WFDC8: variants seen among roughly 807,000 people sequenced by gnomAD.
WFDC8 encodes the protein WAP four-disulfide core domain 8.
In WFDC8, 24 loss-of-function variants were observed where a neutral mutation model predicts 27.0. The ratio of observed to expected loss-of-function variants is 0.89; its 90% CI spans 0.64 to 1.25. WFDC8 has a LOEUF of 1.25. Ranked by LOEUF, WFDC8 falls within the 50% of genes most tolerant of loss-of-function variation. The pLI is 0.00. For synonymous variants in WFDC8, 106 were observed against 99.7 expected, an observed-to-expected ratio of 1.06 and a Z score of -0.38; for missense variants, 287 against 295.9, an observed-to-expected ratio of 0.97 and a Z score of 0.22.
intron 1 of WFDC8, among the ~76,000 whole-genome samples, chr20:45,571,628 A>C (rs1217041384): frequency 6.6e-6 from 1 of 151,516 alleles, no homozygotes; most frequent in Non-Finnish European, 1.5e-5. Flanking sequence ...TTCCCCATAC[A>C]CTCCACCCTG....
At chr20:45,578,052 G>C in intron 1 of WFDC8, among the ~76,000 whole-genome samples, 1 of 150,636 alleles carries the variant, frequency 6.6e-6, no homozygotes. Context: ...AATAAATAAA[G>C]TATGTAGAGT....
At chr20:45,552,217 G>A in intron 5 of WFDC8, 52 bp from the exon 6 acceptor site, 1 of 1,599,304 alleles carries the variant, frequency 6.3e-7, no homozygotes. Flanking sequence ...GTCATAATTT[G>A]AGACAAATTT....
chr20:45,559,059 G>A, intron 2 of WFDC8, 67 bp from the exon 3 acceptor site: 6 of 1,591,168 alleles, frequency 3.8e-6, no homozygotes, highest in South Asian at 1.1e-5. Flanking sequence ...CTATGGCAAA[G>A]GTGTGTAGTG....
At chr20:45,569,472 T>A (rs6104232) in intron 1 of WFDC8, among the ~76,000 whole-genome samples, 1 of 151,974 alleles carries the variant, frequency 6.6e-6, no homozygotes, top group African/African-American at 2.4e-5. Context: ...AAAAATTAAT[T>A]CATAAGAAAA....
intron 1 of WFDC8, among the ~76,000 whole-genome samples, chr20:45,570,380 A>G (rs1461188869): frequency 6.6e-6 from 1 of 152,236 alleles, no homozygotes; most frequent in African/African-American, 2.4e-5. Context: ...GTATCAAATT[A>G]GTATATTTCT....
intron 5 of WFDC8, 28 bp downstream of exon 5, chr20:45,553,108 A>G: frequency 3.1e-6 from 5 of 1,599,666 alleles, no homozygotes; most frequent in Non-Finnish European, 4.3e-6. Context: ...TGCCCAATAG[A>G]TTTGGGAGGT....
chr20:45,571,062 C>T (rs1197812054), intron 1 of WFDC8, among the ~76,000 whole-genome samples: 2 of 152,050 alleles, frequency 1.3e-5, no homozygotes, highest in African/African-American at 4.8e-5. Flanking sequence ...TCTCCAGAGC[C>T]CCATCATTGA....
At position 45,569,331 on chromosome 20, in the gene WFDC8, G is replaced by A. The variant is rs554646771; in HGVS notation, c.27-7112C>T. ...GTCATACTTAAAACTTTTTGTCCCT[G>A]TACACTTACATATTAAAAGATGAAT... On this transcript the variant is annotated intron_variant, in intron 1 of 5. Coordinates refer to ENST00000289953, the MANE Select transcript of WFDC8 (RefSeq NM_130896.3). Among the ~76,000 whole-genome samples the A allele has an allele frequency of 3.3e-3, 498 of 152,178 alleles. 3 individuals are homozygous for A. The highest frequency in any genetic ancestry group is 0.011 in the African/African-American group (471 of 41,506).
chr20:45,558,345 A>G (rs764868106), intron 3 of WFDC8, among the ~76,000 whole-genome samples: 2 of 152,240 alleles, frequency 1.3e-5, no homozygotes, highest in Non-Finnish European at 2.9e-5. Context: ...TTGTTCAACT[A>G]TAGGTGTATT....
chr20:45,568,165 T>A (rs1980746110), intron 1 of WFDC8: 1 of 322,158 alleles, frequency 3.1e-6, no homozygotes, highest in African/African-American at 2.2e-5. Context: ...ACTGGTATAC[T>A]GTCCACAGAA....
chr20:45,572,457 G>A (rs1054377782), intron 1 of WFDC8, among the ~76,000 whole-genome samples: 1 of 149,314 alleles, frequency 6.7e-6, no homozygotes, highest in Non-Finnish European at 1.5e-5. Context: ...CACTTGTTAT[G>A]TTTAATCTTT....
intron 5 of WFDC8, 88 bp from the exon 6 acceptor site, chr20:45,552,253 G>T: frequency 6.6e-7 from 1 of 1,509,148 alleles, no homozygotes; most frequent in South Asian, 1.2e-5. Context: ...TCTCAAACAA[G>T]GTTTTATTCT....
intron 3 of WFDC8, 52 bp downstream of exon 3, chr20:45,558,800 T>G (rs1478034313): frequency 1.2e-6 from 2 of 1,608,750 alleles, no homozygotes; most frequent in East Asian, 2.2e-5. Flanking sequence ...TCAGCCAGTT[T>G]TGGACAGAGC....
At chr20:45,565,003 G>GAAGA (rs796341219) in intron 1 of WFDC8, among the ~76,000 whole-genome samples, 1 of 96,302 alleles carries the variant, frequency 1.0e-5, no homozygotes, top group South Asian at 2.9e-4. Flanking sequence ...GAAAGGAAAG[G>GAAGA]AAGAAAGAAA....
intron 3 of WFDC8, 129 bp downstream of exon 3, chr20:45,558,723 G>C: frequency 1.8e-6 from 2 of 1,117,198 alleles, no homozygotes; most frequent in Non-Finnish European, 2.5e-6. Flanking sequence ...TTGAGGGTTA[G>C]GCATTGAATA....
chr20:45,558,902 TG>T lies in WFDC8; in HGVS notation c.226del (p.Gln76ArgfsTer24). The T allele has an allele frequency of 6.2e-7, 1 of 1,614,192 alleles. No individual in the cohort carries two copies. The highest frequency in any genetic ancestry group is 8.5e-7 in the Non-Finnish European group (1 of 1,180,024). On this transcript the variant is annotated frameshift_variant, in exon 3 of 6. Coordinates refer to ENST00000289953, the MANE Select transcript of WFDC8 (RefSeq NM_130896.3). LOFTEE classifies it high-confidence loss of function. ...CNTDFDCKEYQKCCFFACQKK... is the reference protein window; with the variant it reads ...CNTDFDCKEYXKCCFFACQKK... ...CTGACAGGCAAAAAAGCAGCACTTC[TG>T]GTATTCCTTGCAGTCAAAATCTGTG...
chr20:45,570,209 A>G (rs6094171), intron 1 of WFDC8, among the ~76,000 whole-genome samples: 80,279 of 151,966 alleles, frequency 0.53, 21,487 homozygotes, highest in African/African-American at 0.58. Flanking sequence ...AAAGAAAATG[A>G]CATGAATAAA....
intron 4 of WFDC8, 118 bp from the exon 5 acceptor site, chr20:45,553,394 C>CCTG: frequency 8.0e-7 from 1 of 1,254,444 alleles, no homozygotes; most frequent in South Asian, 1.5e-5. Flanking sequence ...TCACCCTACC[C>CCTG]TATCCATCTC....
Position 45,558,898 on chromosome 20 carries a change from C to T in WFDC8, c.231G>A (p.Lys77=). 1 of 1,614,212 alleles carries T rather than the reference C, an allele frequency of 6.2e-7. No homozygotes were observed. Among genetic ancestry groups the T allele is most frequent in the Non-Finnish European group, 8.5e-7 (1 of 1,180,028 alleles). Residue 77 remains lysine, a synonymous_variant, in exon 3 of 6, where the codon AAG becomes AAA. Transcript: ENST00000289953. The part of the protein sequence containing the change: ...NTDFDCKEYQ[K]CCFFACQKKC... ...TCTTCTGACAGGCAAAAAAGCAGCA[C>T]TTCTGGTATTCCTTGCAGTCAAAAT... is the stretch of plus-strand genomic sequence containing the variant.
Sources: gnomAD v4.1 joint callset for allele counts (sites outside exome capture counted in the v4.1 genomes callset) on GRCh38, gnomAD v4.1.1 for gene constraint, MANE v1.5 for transcripts, NCBI Gene and HGNC (gene_info 2026-07-23, HGNC 2026-07-21) for gene names.